Variants in ADSS2 observed in about 807,000 individuals in gnomAD.
ADSS2 encodes the protein adenylosuccinate synthetase isozyme 2.
Under a neutral mutation model 60.0 loss-of-function variants are expected in ADSS2, and 30 were observed. The ratio of observed to expected loss-of-function variants is 0.50; its 90% CI spans 0.37 to 0.68. The LOEUF (loss-of-function observed/expected upper bound fraction) is 0.68, where lower values mean the gene tolerates loss of function less well. Ranked by LOEUF, ADSS2 falls within the 30% of genes least tolerant of loss-of-function variation. The pLI, the probability that ADSS2 is intolerant of heterozygous loss-of-function variation, is 0.00. For synonymous variants in ADSS2, 187 were observed against 193.1 expected (o/e 0.97, Z 0.26); for missense variants, 373 against 554.8 (o/e 0.67, Z 3.29).
chr1:244,424,255 T>C, intron 5 of ADSS2, 66 bp downstream of exon 5: 2 of 1,481,094 alleles, frequency 1.4e-6, no homozygotes, highest in Non-Finnish European at 1.9e-6. Context: ...ACTTCTGGTC[T>C]AGAACTAAAA....
intron 11 of ADSS2, among the ~76,000 whole-genome samples, chr1:244,413,552 C>T (rs1004912025): frequency 5.3e-5 from 8 of 152,202 alleles, no homozygotes; most frequent in Non-Finnish European, 4.4e-5. Flanking sequence ...GGCAGCTCCA[C>T]TGACCTGGGG....
rs1202951232 is a variant in ADSS2 at position 244,422,902 on chromosome 1, G to A, written c.596C>T (p.Ala199Val). The A allele has an allele frequency of 6.3e-7, 1 of 1,585,120 alleles. No individual in the cohort carries two copies. The highest frequency in any genetic ancestry group is 8.7e-7 in the Non-Finnish European group (1 of 1,155,468). ...GGGGTATATAGATTTGTATTGGTTA[G>A]CTAGAACTTTAAACCTGAGAAACAC... Reference protein sequence around the residue: ...DGFSERFKVLANQYKSIYPTL... With the variant: ...DGFSERFKVLVNQYKSIYPTL... Residue 199 changes from alanine to valine, a missense_variant, in exon 7 of 13, where the codon GCT (alanine) becomes GTT (valine). By Grantham distance (64) the Ala-to-Val change is moderately conservative (BLOSUM62 0). Coordinates refer to ENST00000366535, the MANE Select transcript of ADSS2 (RefSeq NM_001126.5).
chr1:244,411,194 C>A lies in ADSS2; in HGVS notation c.1318+93G>T, dbSNP rs1286213593. On this transcript the variant is annotated intron_variant, in intron 12 of 12. Transcript: ENST00000366535. ...CGAGATCCCGCCACTGCACTCCAGC[C>A]TGGGACAGAGCGAGACTCCGTCTCA... is the stretch of plus-strand genomic sequence containing the variant. 7 of 1,337,040 alleles carry A rather than the reference C, an allele frequency of 5.2e-6. No individual in the cohort carries two copies. The East Asian group carries it at 1.7e-4, about 33-fold the overall frequency. The allele number at this position is 1,337,040 out of a possible 1,614,324, so 82.8% of individuals were successfully genotyped here. A position where few individuals can be genotyped will look rare whatever the true frequency, so the allele number is the denominator to read the frequency against.
At chr1:244,423,524 T>A (rs1664722060) in intron 6 of ADSS2, among the ~76,000 whole-genome samples, 1 of 152,192 alleles carries the variant, frequency 6.6e-6, no homozygotes, top group South Asian at 2.1e-4. Flanking sequence ...TGATTTCAAG[T>A]TGAGCTTGGT....
chr1:244,421,904 G>T (rs535298207), intron 7 of ADSS2, among the ~76,000 whole-genome samples: 7 of 152,300 alleles, frequency 4.6e-5, no homozygotes, highest in Non-Finnish European at 1.0e-4. Context: ...AGCCTAGAAA[G>T]TCAAGGCTGC....
chr1:244,436,686 T>G, intron 3 of ADSS2, 139 bp downstream of exon 3: 1 of 616,304 alleles, frequency 1.6e-6, no homozygotes, highest in South Asian at 2.5e-5. Flanking sequence ...GAATAAAACT[T>G]AATAACTGAC....
chr1:244,417,734 G>A lies in ADSS2; in HGVS notation c.964C>T (p.Gln322Ter). 6.2e-7 allele frequency: 1 copy of A among 1,613,362 alleles called. No homozygotes were observed. The highest frequency in any genetic ancestry group is 8.5e-7 in the Non-Finnish European group (1 of 1,179,578). ...ACACCAAACTCTCTACCCCTTGTTTGTAATAATTCTCCAATTTCCTACAGA... is the reference window on the plus strand; with the variant it reads ...ACACCAAACTCTCTACCCCTTGTTTATAATAATTCTCCAATTTCCTACAGA... Reference protein sequence around the residue: ...EQDNEIGELLQTRGREFGVTT... With the variant: ...EQDNEIGELL Residue 322 changes from glutamine (Q) to a stop codon, truncating the protein, a stop_gained, in exon 10 of 13, where the codon CAA becomes TAA. Transcript: ENST00000366535. LOFTEE classifies it high-confidence loss of function.
At chr1:244,445,982 A>C (rs1040525204) in intron 1 of ADSS2, among the ~76,000 whole-genome samples, 3 of 152,234 alleles carry the variant, frequency 2.0e-5, no homozygotes, top group Non-Finnish European at 4.4e-5. Context: ...AACCTACTGT[A>C]ATCACAGAGC....
chr1:244,417,579 A>G (rs1332036155), intron 10 of ADSS2, 49 bp downstream of exon 10: 11 of 1,599,162 alleles, frequency 6.9e-6, no homozygotes, highest in Non-Finnish European at 8.5e-6. Context: ...ACCTATGGCC[A>G]TTAATCATCT....
chr1:244,451,944 C>T, upstream of ADSS2: 1 of 999,614 alleles, frequency 1.0e-6, no homozygotes. This position sits in a 1 kb window ranked among gnomAD's most constrained non-coding sequence, Gnocchi z 6.6. Flanking sequence ...CGCCCCCGCC[C>T]CGCCGGGCCG....
chr1:244,430,107 G>GA (rs565228071), intron 4 of ADSS2, among the ~76,000 whole-genome samples: 300 of 151,806 alleles, frequency 2.0e-3, no homozygotes, highest in African/African-American at 6.7e-3. Context: ...ACACTTATGG[G>GA]AAAAAATAAT....
rs1312812436 is a variant in ADSS2 at position 244,417,621 on chromosome 1, T to C, written c.1070+7A>G. ...TCCTGAAATAAATGTTTCTGAAGAA[T>C]ACTCACGCAGTAAATCCATTGATCA... On this transcript the variant is annotated splice_region_variant and intron_variant, in intron 10 of 12. Transcript: ENST00000366535. 6.2e-7 allele frequency: 1 copy of C among 1,611,278 alleles called. No homozygotes were observed. The highest frequency in any genetic ancestry group is 2.2e-5 in the East Asian group (1 of 44,832).
rs60576167 is a variant in ADSS2 at position 244,435,168 on chromosome 1, C to CAAAAAAAAAAAAAA, written c.355+1643_355+1656dup. On this transcript the variant is annotated intron_variant, in intron 3 of 12. Coordinates refer to ENST00000366535, the MANE Select transcript of ADSS2 (RefSeq NM_001126.5). ...GGGTGACAGAGAGAGACTCCGTCTC[C>CAAAAAAAAAAAAAA]AAAAAAAAAAAAAAAAAAAAAAAAA... Among the ~76,000 whole-genome samples the CAAAAAAAAAAAAAA allele has an allele frequency of 8.5e-4, 44 of 51,750 alleles. 4 individuals are homozygous for CAAAAAAAAAAAAAA. The highest frequency in any genetic ancestry group is 3.4e-3 in the African/African-American group (41 of 12,008). The allele number at this position is 51,750 out of a possible 152,430, so 34.0% of individuals were successfully genotyped here.
At position 244,420,246 on chromosome 1, in the gene ADSS2, T is replaced by C. The variant is rs745448883; in HGVS notation, c.714A>G (p.Leu238=). The C allele has an allele frequency of 5.0e-6, 8 of 1,613,576 alleles. No individual in the cohort carries two copies. Among genetic ancestry groups the C allele is most frequent in the Non-Finnish European group, 6.8e-6 (8 of 1,179,758 alleles). Residue 238 remains leucine (L), a synonymous_variant, in exon 8 of 13, where the codon CTA becomes CTG. Coordinates refer to ENST00000366535, the MANE Select transcript of ADSS2 (RefSeq NM_001126.5). Reference sequence around the variant, plus strand: ...TTGGTGGTCCATGTAGGGCCTCATATAGAAAATAAACTCCATCTCTCACCA... The same window carrying C: ...TTGGTGGTCCATGTAGGGCCTCATACAGAAAATAAACTCCATCTCTCACCA... The part of the protein sequence containing the change: ...KPMVRDGVYF[L]YEALHGPPKK...
chr1:244,441,616 G>A (rs763458892), intron 1 of ADSS2, among the ~76,000 whole-genome samples: 5 of 151,890 alleles, frequency 3.3e-5, no homozygotes, highest in South Asian at 2.1e-4. Context: ...CCCTGAGACC[G>A]CATGTGCATG....
At position 244,443,292 on chromosome 1, in the gene ADSS2, A is replaced by C. The variant is rs141264070; in HGVS notation, c.184-5524T>G. Among the ~76,000 whole-genome samples, 4 of 152,344 alleles carry C rather than the reference A, an allele frequency of 2.6e-5. No homozygotes were observed. In the East Asian group the frequency reaches 5.8e-4, roughly 22 times the overall value. ...TATAATCACATTAACAGTTACACTA[A>C]CTACCTCCTGCTTCTTTGCCAAACT... On this transcript the variant is annotated intron_variant, in intron 1 of 12. Transcript: ENST00000366535.
At chr1:244,424,117 G>T in intron 5 of ADSS2, 57 bp from the exon 6 acceptor site, 1 of 1,444,086 alleles carries the variant, frequency 6.9e-7, no homozygotes, top group Non-Finnish European at 9.6e-7. Context: ...AGGTCTCCTG[G>T]TCAGATCATT....
At chr1:244,412,699 A>C (rs1054371479) in intron 11 of ADSS2, among the ~76,000 whole-genome samples, 2 of 152,236 alleles carry the variant, frequency 1.3e-5, no homozygotes, top group African/African-American at 4.8e-5. Flanking sequence ...CTCCAGAAAA[A>C]GCTGAATTCT....
At chr1:244,427,092 T>C (rs566869513) in intron 4 of ADSS2, among the ~76,000 whole-genome samples, 3 of 152,228 alleles carry the variant, frequency 2.0e-5, no homozygotes, top group Admixed American at 2.0e-4. Flanking sequence ...TCTCAGGCCA[T>C]TTTCCCTGAA....
Sources: gnomAD v4.1 joint callset for allele counts (sites outside exome capture counted in the v4.1 genomes callset) on GRCh38, gnomAD v4.1.1 for gene constraint, Gnocchi (gnomAD v3.1) non-coding constraint, MANE v1.5 for transcripts, NCBI Gene and HGNC (gene_info 2026-07-23, HGNC 2026-07-21) for gene names.